Variants in KIF16B observed in about 807,000 individuals in gnomAD.
KIF16B encodes kinesin-like protein KIF16B.
A neutral mutation model predicts 156.3 loss-of-function variants in KIF16B; 98 were observed. The observed-to-expected ratio is 0.63, with a 90% CI of 0.53 to 0.74. The LOEUF is 0.74. Among genes scored for constraint, KIF16B ranks in the 30% least tolerant of loss-of-function variants. The pLI is 0.00. For missense variants in KIF16B, 1,421 were observed against 1,606.5 expected (o/e 0.88, Z 1.97); for synonymous variants, 564 against 583.7 (o/e 0.97, Z 0.49).
At chr20:16,316,816 C>T (rs1179644175) in intron 24 of KIF16B, among the ~76,000 whole-genome samples, 2 of 152,064 alleles carry the variant, frequency 1.3e-5, no homozygotes, top group South Asian at 2.1e-4. Flanking sequence ...ATTTGAACTG[C>T]CTAAATAGTT....
rs114176616 is a variant in KIF16B, at chr20:16,498,176, G to T, written c.1177-498C>A. Among the ~76,000 whole-genome samples, 432 of 152,180 alleles carry T rather than the reference G, an allele frequency of 2.8e-3. 2 individuals carry two copies. Among genetic ancestry groups the T allele is most frequent in the African/African-American group, 9.9e-3 (412 of 41,518 alleles). On this transcript the variant is annotated intron_variant, in intron 10 of 25. Transcript: ENST00000354981. Reference sequence around the variant, plus strand: ...CTGATTACATTTCCTTATCCCTGTCGAAGAAGTGTAAAGATTGATGTGAGA... The same window carrying T: ...CTGATTACATTTCCTTATCCCTGTCTAAGAAGTGTAAAGATTGATGTGAGA...
chr20:16,396,621 G>A (rs2065508976), intron 17 of KIF16B, among the ~76,000 whole-genome samples: 1 of 150,098 alleles, frequency 6.7e-6, no homozygotes, highest in Admixed American at 6.6e-5. Context: ...TGGGCTAGAA[G>A]GTATGGTAAC....
At chr20:16,382,187 A>C in intron 17 of KIF16B, 1 of 1,145,554 alleles carries the variant, frequency 8.7e-7, no homozygotes, top group Non-Finnish European at 1.2e-6. Flanking sequence ...ACATCAATTA[A>C]GGAAAGCATT....
At chr20:16,311,663 A>G (rs975823869) in intron 25 of KIF16B, among the ~76,000 whole-genome samples, 8 of 152,188 alleles carry the variant, frequency 5.3e-5, no homozygotes, top group Non-Finnish European at 2.9e-5. Context: ...AGCCATGATC[A>G]TGTTTTCACC....
intron 12 of KIF16B, among the ~76,000 whole-genome samples, chr20:16,463,463 G>A (rs1287015632): frequency 6.6e-6 from 1 of 152,148 alleles, no homozygotes; most frequent in Non-Finnish European, 1.5e-5. Context: ...TTGAACCGAA[G>A]AGTGAAGTCC....
intron 4 of KIF16B, among the ~76,000 whole-genome samples, chr20:16,513,575 G>A (rs553578933): frequency 2.0e-5 from 3 of 150,294 alleles, no homozygotes; most frequent in South Asian, 2.1e-4. Flanking sequence ...CAGGAGAATC[G>A]CTTGAACCTG....
chr20:16,350,419 T>C (rs1311771969), intron 23 of KIF16B, among the ~76,000 whole-genome samples: 1 of 151,520 alleles, frequency 6.6e-6, no homozygotes, highest in Non-Finnish European at 1.5e-5. Flanking sequence ...GGCATAGAGG[T>C]CTACCTCTCT....
chr20:16,540,105 G>A (rs1436453874), intron 1 of KIF16B, among the ~76,000 whole-genome samples: 1 of 152,184 alleles, frequency 6.6e-6, no homozygotes, highest in Non-Finnish European at 1.5e-5. Flanking sequence ...ATACTAATAT[G>A]GAAAGAAGTC....
At chr20:16,520,297 A>G (rs943397341) in intron 3 of KIF16B, among the ~76,000 whole-genome samples, 2 of 152,166 alleles carry the variant, frequency 1.3e-5, no homozygotes, top group Non-Finnish European at 2.9e-5. Context: ...TCTCGCTGCC[A>G]GCAAAGCAGT....
chr20:16,275,535 A>G (rs887677577), intron 25 of KIF16B, among the ~76,000 whole-genome samples: 7 of 152,164 alleles, frequency 4.6e-5, no homozygotes, highest in Non-Finnish European at 8.8e-5. Flanking sequence ...ATTTCCTGGT[A>G]AGGAAGCTAT....
chr20:16,415,107 G>A (rs2066054709), intron 15 of KIF16B, among the ~76,000 whole-genome samples: 1 of 152,102 alleles, frequency 6.6e-6, no homozygotes. Context: ...TCTGTATATG[G>A]AATAGGTCTG....
chr20:16,445,517 C>CA lies in KIF16B; in HGVS notation c.1303-15536dup, dbSNP rs113870189. On this transcript the variant is annotated intron_variant, in intron 12 of 25. Coordinates refer to ENST00000354981, the MANE Select transcript of KIF16B (RefSeq NM_024704.5). Reference sequence around the variant, plus strand: ...ATTTTTAAGTGAGCAATTTGAGTAACAAAAAAAAAAAAATCACAAATGGCC... The same window carrying CA: ...ATTTTTAAGTGAGCAATTTGAGTAACAAAAAAAAAAAAAATCACAAATGGCC... Among the ~76,000 whole-genome samples the CA allele has an allele frequency of 7.3e-3, 980 of 134,782 alleles. 5 individuals carry two copies. Among genetic ancestry groups the CA allele is most frequent in the Non-Finnish European group, 8.7e-3 (533 of 61,544 alleles). 88.4% of individuals were successfully genotyped at this position (134,782 alleles called of 152,430 possible). A position where few individuals can be genotyped will look rare whatever the true frequency, so the allele number is the denominator to read the frequency against.
chr20:16,425,681 A>G (rs2066333239), intron 15 of KIF16B, among the ~76,000 whole-genome samples: 1 of 152,194 alleles, frequency 6.6e-6, no homozygotes, highest in South Asian at 2.1e-4. Context: ...TTGGATGATC[A>G]AAGTGAACAT....
chr20:16,276,775 T>C (rs947204968), intron 25 of KIF16B, among the ~76,000 whole-genome samples: 14 of 152,200 alleles, frequency 9.2e-5, no homozygotes, highest in African/African-American at 3.1e-4. Flanking sequence ...AGACAGTGTC[T>C]CATTCTTCTC....
At chr20:16,374,220 C>A in intron 20 of KIF16B, 37 bp downstream of exon 20, 1 of 1,504,980 alleles carries the variant, frequency 6.6e-7, no homozygotes. Flanking sequence ...TGAGTCACAT[C>A]AAATGAGAAG....
chr20:16,368,354 T>C, intron 22 of KIF16B: 1 of 989,322 alleles, frequency 1.0e-6, no homozygotes, highest in Non-Finnish European at 1.2e-6. Context: ...TCGCTCTCGC[T>C]GCTGCCAACC....
At chr20:16,290,355 T>C (rs2063296655) in intron 25 of KIF16B, among the ~76,000 whole-genome samples, 1 of 152,194 alleles carries the variant, frequency 6.6e-6, no homozygotes, top group African/African-American at 2.4e-5. Flanking sequence ...ATCGTGTGCC[T>C]CTGCAGCTGT....
At chr20:16,324,082 T>C (rs940103630) in intron 24 of KIF16B, among the ~76,000 whole-genome samples, 3 of 151,994 alleles carry the variant, frequency 2.0e-5, no homozygotes, top group East Asian at 1.9e-4. Flanking sequence ...AAATATTTCA[T>C]TTTTAAGAAC....
At chr20:16,294,014 T>C (rs1029893597) in intron 25 of KIF16B, among the ~76,000 whole-genome samples, 10 of 150,978 alleles carry the variant, frequency 6.6e-5, no homozygotes, top group Non-Finnish European at 1.3e-4. Context: ...AATATAGGAA[T>C]GCAATTTTAG....
Sources: gnomAD v4.1 joint callset for allele counts (sites outside exome capture counted in the v4.1 genomes callset) on GRCh38, gnomAD v4.1.1 for gene constraint, MANE v1.5 for transcripts, NCBI Gene and HGNC (gene_info 2026-07-23, HGNC 2026-07-21) for gene names.